PGPEP1: variants seen among roughly 807,000 people sequenced by gnomAD.
The protein encoded by PGPEP1 is pyroglutamyl-peptidase I, also known as pyroglutamyl-peptidase 1.
Under a neutral mutation model 24.1 loss-of-function variants are expected in PGPEP1, and 15 were observed. The observed-to-expected ratio is 0.62, with a 90% CI of 0.42 to 0.96. PGPEP1 has a LOEUF of 0.96. Ranked by LOEUF, PGPEP1 falls within the 40% of genes least tolerant of loss-of-function variation. PGPEP1 has a pLI of 0.00. For synonymous variants in PGPEP1, 122 were observed against 116.4 expected (o/e 1.05, Z -0.31); for missense variants, 242 against 273.4 (o/e 0.89, Z 0.81).
At chr19:18,354,506 A>G (rs1186062830) in intron 2 of PGPEP1, among the ~76,000 whole-genome samples, 1 of 152,000 alleles carries the variant, frequency 6.6e-6, no homozygotes, top group African/African-American at 2.4e-5. Flanking sequence ...AAATAAAATA[A>G]AATAAAATAA....
chr19:18,343,492 G>A (rs1244714020), intron 2 of PGPEP1, among the ~76,000 whole-genome samples: 1 of 152,048 alleles, frequency 6.6e-6, no homozygotes, highest in Non-Finnish European at 1.5e-5. Flanking sequence ...GGAGTTCTCC[G>A]AGGTCACACA....
chr19:18,355,978 C>A lies in PGPEP1; in HGVS notation c.171C>A (p.Leu57=). 6.2e-7 allele frequency: 1 copy of A among 1,612,654 alleles called. No homozygotes were observed. Among genetic ancestry groups the A allele is most frequent in the Non-Finnish European group, 8.5e-7 (1 of 1,178,712 alleles). The change falls in exon 3 of 5, where the codon CTC becomes CTA. Residue 57 remains leucine, a synonymous_variant. Coordinates refer to ENST00000269919, the MANE Select transcript of PGPEP1 (RefSeq NM_017712.4). ...IPVEYQTVQR[L]IPALWEKHSP... ...TTGAGTACCAAACAGTCCAGAGACT[C>A]ATCCCCGCCCTGTGGGAGAAGCACA...
At chr19:18,355,778 C>T in intron 2 of PGPEP1, 117 bp from the exon 3 acceptor site, 2 of 686,772 alleles carry the variant, frequency 2.9e-6, no homozygotes, top group Non-Finnish European at 5.4e-6. Flanking sequence ...CAACACACAC[C>T]CTTGCCATCC....
At chr19:18,359,877 C>CA (rs1382723423) in intron 4 of PGPEP1, among the ~76,000 whole-genome samples, 1 of 152,098 alleles carries the variant, frequency 6.6e-6, no homozygotes, top group Non-Finnish European at 1.5e-5. Context: ...TCCAACTCCC[C>CA]AGACCAAGTT....
intron 4 of PGPEP1, among the ~76,000 whole-genome samples, chr19:18,362,180 G>T (rs1971362747): frequency 6.6e-6 from 1 of 152,064 alleles, no homozygotes. Context: ...GCCGAGGCAG[G>T]CGAATCACTC....
At chr19:18,363,033 TTGTGTGTGTGTGTGTG>T (rs201259409) in intron 4 of PGPEP1, among the ~76,000 whole-genome samples, 2 of 136,684 alleles carry the variant, frequency 1.5e-5, no homozygotes, top group Non-Finnish European at 3.1e-5. Flanking sequence ...TTTTTTTTGT[TTGTGTGTGTGTGTGTG>T]TGTGTGTGTG....
chr19:18,361,696 C>T, intron 4 of PGPEP1: 1 of 983,608 alleles, frequency 1.0e-6, no homozygotes, highest in Non-Finnish European at 1.2e-6. Context: ...ATAGCGGTCC[C>T]TCTGATAAGT....
chr19:18,354,224 G>A (rs1329799741), intron 2 of PGPEP1, among the ~76,000 whole-genome samples: 1 of 152,050 alleles, frequency 6.6e-6, no homozygotes, highest in Non-Finnish European at 1.5e-5. Flanking sequence ...GACAGAATGA[G>A]ACTCTGTCTC....
chr19:18,353,963 A>G (rs28819668), intron 2 of PGPEP1, among the ~76,000 whole-genome samples: 13,351 of 152,096 alleles, frequency 0.088, 1,930 homozygotes, highest in African/African-American at 0.3. Flanking sequence ...AATTGGACAC[A>G]GTGGCTCACC....
intron 4 of PGPEP1, among the ~76,000 whole-genome samples, chr19:18,360,646 T>C (rs1971319382): frequency 6.6e-6 from 1 of 152,024 alleles, no homozygotes; most frequent in Non-Finnish European, 1.5e-5. Context: ...TGCCTCAGCC[T>C]CCTGAGTAGC....
At chr19:18,360,466 C>T (rs540767358) in intron 4 of PGPEP1, among the ~76,000 whole-genome samples, 25 of 152,122 alleles carry the variant, frequency 1.6e-4, no homozygotes, top group Non-Finnish European at 2.8e-4. Flanking sequence ...AGGTGATCCT[C>T]CCACCTCAGC....
intron 4 of PGPEP1, 70 bp downstream of exon 4, chr19:18,357,685 G>A: frequency 8.6e-7 from 1 of 1,165,006 alleles, no homozygotes; most frequent in African/African-American, 1.5e-5. Flanking sequence ...TGTAGAACAA[G>A]CCAAGCGTGT....
chr19:18,368,438 C>CAAAAA lies in PGPEP1; in HGVS notation c.*4869_*4873dup, dbSNP rs59054174. Reference sequence around the variant, plus strand: ...TGGGCAACATAGCAAGACTCTGTCACAAAAAAAAAAAAAAAAAAGAATTCC... The same window carrying CAAAAA: ...TGGGCAACATAGCAAGACTCTGTCACAAAAAAAAAAAAAAAAAAAAAAAGAATTCC... On this transcript the variant is annotated 3_prime_UTR_variant, in exon 5 of 5. Transcript: ENST00000269919. 2 of 116,958 alleles carry CAAAAA rather than the reference C, an allele frequency of 1.7e-5. No individual in the cohort carries two copies. Among genetic ancestry groups the CAAAAA allele is most frequent in the Admixed American group, 9.0e-5 (1 of 11,074 alleles). 7.2% of individuals were successfully genotyped at this position (116,958 alleles called of 1,614,324 possible).
At chr19:18,352,403 T>C (rs8107049) in intron 2 of PGPEP1, among the ~76,000 whole-genome samples, 13,064 of 150,496 alleles carry the variant, frequency 0.087, 1,879 homozygotes, top group African/African-American at 0.3. Context: ...AAGATCATAC[T>C]ACTGAATGAT....
chr19:18,363,456 A>G lies in PGPEP1; in HGVS notation c.503A>G (p.His168Arg). ...YQSHGRSAFV[H>R]VPPLGKPYNA... ...AGTCACGGTCGATCAGCCTTCGTCC[A>G]CGTGCCCCCACTGGGGAAGCCGTAC... is the stretch of plus-strand genomic sequence containing the variant. Residue 168 changes from histidine to arginine, a missense_variant, in exon 5 of 5, where the codon CAC (histidine) becomes CGC (arginine). Physicochemically the swap from His to Arg is conservative, Grantham distance 29. Coordinates refer to ENST00000269919, the MANE Select transcript of PGPEP1 (RefSeq NM_017712.4). 1 of 1,614,132 alleles carries G rather than the reference A, an allele frequency of 6.2e-7. No homozygotes were observed. Among genetic ancestry groups the G allele is most frequent in the Non-Finnish European group, 8.5e-7 (1 of 1,179,964 alleles).
At chr19:18,356,039 C>A (rs771540782) in intron 3 of PGPEP1, 28 bp downstream of exon 3, 1 of 1,352,750 alleles carries the variant, frequency 7.4e-7, no homozygotes, top group Admixed American at 1.7e-5. Context: ...GCGGCACTTC[C>A]TCATCAGGAC....
intron 4 of PGPEP1, among the ~76,000 whole-genome samples, chr19:18,360,642 A>G (rs549366063): frequency 2.0e-5 from 3 of 152,094 alleles, no homozygotes; most frequent in African/African-American, 7.2e-5. Context: ...CTCCTGCCTC[A>G]GCCTCCTGAG....
In PGPEP1 at chr19:18,355,992, G is replaced by T; in HGVS notation, c.185G>T (p.Trp62Leu). The stretch of plus-strand genomic sequence containing the variant: ...GTCCAGAGACTCATCCCCGCCCTGT[G>T]GGAGAAGCACAGTCCACAGGTGAGT... ...QTVQRLIPAL[W>L]EKHSPQLVVH... Residue 62 changes from tryptophan to leucine, a missense_variant, in exon 3 of 5, where the codon TGG becomes TTG. By Grantham distance (61) the Trp-to-Leu change is moderately conservative. Transcript: ENST00000269919. 3 of 1,610,234 alleles carry T rather than the reference G, an allele frequency of 1.9e-6. No homozygotes were observed. The highest frequency in any genetic ancestry group is 2.2e-5 in the South Asian group (2 of 91,010).
At chr19:18,362,401 C>T (rs939605438) in intron 4 of PGPEP1, among the ~76,000 whole-genome samples, 13 of 145,864 alleles carry the variant, frequency 8.9e-5, no homozygotes, top group Non-Finnish European at 1.3e-4. Context: ...AGTATGACTC[C>T]GTCTCAAAAA....
Sources: gnomAD v4.1 joint callset for allele counts (sites outside exome capture counted in the v4.1 genomes callset) on GRCh38, gnomAD v4.1.1 for gene constraint, MANE v1.5 for transcripts, NCBI Gene and HGNC (gene_info 2026-07-23, HGNC 2026-07-21) for gene names.